Variants in CPA6 observed in about 807,000 individuals in gnomAD.
The protein encoded by CPA6 is carboxypeptidase B.
In CPA6, 58 loss-of-function variants were observed where a neutral mutation model predicts 63.3. The ratio of observed to expected loss-of-function variants is 0.92; its 90% CI spans 0.74 to 1.14. The LOEUF is 1.14. CPA6 is among the 50% of genes most tolerant of loss of function. CPA6 has a pLI of 0.00. For synonymous variants in CPA6, 185 were observed against 179.0 expected (o/e 1.03, Z -0.27); for missense variants, 565 against 526.6 (o/e 1.07, Z -0.71).
intron 6 of CPA6, among the ~76,000 whole-genome samples, chr8:67,489,309 G>A (rs967803553): frequency 6.6e-6 from 1 of 151,886 alleles, no homozygotes. Context: ...CACTAACTTG[G>A]AGACTTTATT....
intron 8 of CPA6, among the ~76,000 whole-genome samples, chr8:67,451,948 G>A (rs560037167): frequency 6.6e-6 from 1 of 152,304 alleles, no homozygotes; most frequent in South Asian, 2.1e-4. Context: ...TGGGCAATAA[G>A]TCCCAAGTTG....
intron 1 of CPA6, among the ~76,000 whole-genome samples, chr8:67,738,806 C>T (rs765302194): frequency 6.6e-6 from 1 of 152,106 alleles, no homozygotes; most frequent in Non-Finnish European, 1.5e-5. Flanking sequence ...AGAGGCTGAT[C>T]GAGAAGCCAT....
chr8:67,512,324 C>T (rs1812059138), intron 3 of CPA6, among the ~76,000 whole-genome samples: 1 of 152,172 alleles, frequency 6.6e-6, no homozygotes, highest in Non-Finnish European at 1.5e-5. Flanking sequence ...CCCAGCACCC[C>T]TGACCCAAGA....
At chr8:67,607,246 CTTCTT>C (rs1564021519) in intron 2 of CPA6, among the ~76,000 whole-genome samples, 108 of 115,488 alleles carry the variant, frequency 9.4e-4, no homozygotes, top group East Asian at 2.1e-3. Flanking sequence ...TCTTCTTCTT[CTTCTT>C]CTCCTCCTCC....
chr8:67,479,769 A>G (rs953860075), intron 8 of CPA6, among the ~76,000 whole-genome samples: 9 of 152,174 alleles, frequency 5.9e-5, no homozygotes, highest in Admixed American at 4.6e-4. Flanking sequence ...AGAACAATTC[A>G]GTTTAGGTCC....
intron 3 of CPA6, among the ~76,000 whole-genome samples, chr8:67,515,621 G>A (rs1190685467): frequency 6.8e-6 from 1 of 148,008 alleles, no homozygotes; most frequent in African/African-American, 2.7e-5. Context: ...TGCTTTCCTC[G>A]AACTCTTGGC....
chr8:67,531,951 T>G (rs1812485954), intron 2 of CPA6, among the ~76,000 whole-genome samples: 1 of 152,160 alleles, frequency 6.6e-6, no homozygotes, highest in Non-Finnish European at 1.5e-5. Context: ...ACTTGCAGAT[T>G]AAAGAAGTCA....
intron 1 of CPA6, among the ~76,000 whole-genome samples, chr8:67,692,880 CAG>C (rs949731504): frequency 2.6e-5 from 4 of 152,186 alleles, no homozygotes; most frequent in African/African-American, 9.7e-5. Flanking sequence ...TGATGATATA[CAG>C]AGTTATACAT....
intron 1 of CPA6, among the ~76,000 whole-genome samples, chr8:67,695,092 A>C (rs1816887717): frequency 6.6e-6 from 1 of 152,098 alleles, no homozygotes; most frequent in Admixed American, 6.5e-5. Flanking sequence ...TCAGGGGAGG[A>C]TTTTAATAAT....
At chr8:67,507,217 C>T (rs1052971829) in intron 5 of CPA6, among the ~76,000 whole-genome samples, 4 of 151,908 alleles carry the variant, frequency 2.6e-5, no homozygotes, top group Non-Finnish European at 5.9e-5. Context: ...GTTGCCAAGG[C>T]TGGTCTTGAA....
chr8:67,510,683 A>G (rs554847987), intron 4 of CPA6, among the ~76,000 whole-genome samples: 1 of 152,306 alleles, frequency 6.6e-6, no homozygotes, highest in Non-Finnish European at 1.5e-5. Flanking sequence ...CCTTTGTTCA[A>G]TTCAGAGGAA....
chr8:67,685,486 G>T (rs532081313), intron 1 of CPA6, among the ~76,000 whole-genome samples: 1 of 152,308 alleles, frequency 6.6e-6, no homozygotes, highest in East Asian at 1.9e-4. Flanking sequence ...GGGCATGGTG[G>T]CGGGCGCCTG....
chr8:67,642,299 C>T (rs193275233), intron 1 of CPA6, among the ~76,000 whole-genome samples: 33 of 143,742 alleles, frequency 2.3e-4, no homozygotes, highest in Admixed American at 7.7e-4. Context: ...ACCTGGGCGA[C>T]AGAGCATGAC....
chr8:67,655,420 A>T (rs1815961242), intron 1 of CPA6, among the ~76,000 whole-genome samples: 2 of 152,154 alleles, frequency 1.3e-5, no homozygotes, highest in African/African-American at 4.8e-5. Context: ...TACAAAACTT[A>T]GGAATTAGGA....
intron 8 of CPA6, chr8:67,483,498 C>A: frequency 2.0e-6 from 1 of 507,522 alleles, no homozygotes; most frequent in East Asian, 3.5e-5. Flanking sequence ...AAATATTCCT[C>A]AGTTTGCTGC....
intron 2 of CPA6, among the ~76,000 whole-genome samples, chr8:67,519,731 T>C (rs1009815510): frequency 4.6e-5 from 7 of 152,204 alleles, no homozygotes; most frequent in Non-Finnish European, 1.5e-5. Flanking sequence ...ATTCAATCCA[T>C]CTGTCAGCCC....
chr8:67,720,661 G>A lies in CPA6; in HGVS notation c.116+25353C>T, dbSNP rs543996684. 3.9e-5 allele frequency among the ~76,000 whole-genome samples: 6 copies of A among 152,290 alleles called. No individual in the cohort carries two copies. The South Asian group carries it at 8.3e-4, about 21-fold the overall frequency. On this transcript the variant is annotated intron_variant, in intron 1 of 10. Coordinates refer to ENST00000297770, the MANE Select transcript of CPA6 (RefSeq NM_020361.5). ...TTAGTCCACATGCTTCAAGGAAATAGAATTTAACAAAAGTAAAGAGCTGTC... is the reference window on the plus strand; with the variant it reads ...TTAGTCCACATGCTTCAAGGAAATAAAATTTAACAAAAGTAAAGAGCTGTC...
At chr8:67,537,999 G>A (rs1812622533) in intron 2 of CPA6, among the ~76,000 whole-genome samples, 1 of 152,218 alleles carries the variant, frequency 6.6e-6, no homozygotes, top group South Asian at 2.1e-4. Flanking sequence ...GTAGTTTTGA[G>A]TGAGTTTCTT....
At chr8:67,597,198 CTTTT>C (rs1219322033) in intron 2 of CPA6, among the ~76,000 whole-genome samples, 1 of 135,080 alleles carries the variant, frequency 7.4e-6, no homozygotes. Context: ...CTCTGTGTCT[CTTTT>C]TTTTTTTTTT....
Sources: gnomAD v4.1 joint callset for allele counts (sites outside exome capture counted in the v4.1 genomes callset) on GRCh38, gnomAD v4.1.1 for gene constraint, MANE v1.5 for transcripts, NCBI Gene and HGNC (gene_info 2026-07-23, HGNC 2026-07-21) for gene names.